Variants in FANCC observed in about 807,000 individuals in gnomAD.
FANCC encodes Fanconi anemia group C protein.
FANCC carries 55 observed loss-of-function variants against 71.3 expected under a neutral mutation model. The observed-to-expected ratio is 0.77, with a 90% confidence interval of 0.62 to 0.97. The LOEUF is 0.97. FANCC is among the 50% of genes least tolerant of loss of function. The pLI, the probability that FANCC is intolerant of heterozygous loss-of-function variation, is 0.00. For missense variants in FANCC, 678 were observed against 670.9 expected (o/e 1.01, Z -0.12); for synonymous variants, 275 against 244.9 (o/e 1.12, Z -1.15).
chr9:95,176,746 C>T (rs534944955), intron 4 of FANCC, among the ~76,000 whole-genome samples: 9 of 152,370 alleles, frequency 5.9e-5, no homozygotes, highest in Non-Finnish European at 8.8e-5. Context: ...GCGCAAGGCG[C>T]TACAAACCTG....
intron 4 of FANCC, among the ~76,000 whole-genome samples, chr9:95,180,988 T>C (rs1342664250): frequency 3.3e-5 from 5 of 152,084 alleles, no homozygotes; most frequent in African/African-American, 7.2e-5. Flanking sequence ...AATGTCTGCA[T>C]TGCACGAGCT....
At chr9:95,301,942 C>A (rs1225848963) in intron 1 of FANCC, among the ~76,000 whole-genome samples, 1 of 149,442 alleles carries the variant, frequency 6.7e-6, no homozygotes, top group East Asian at 1.9e-4. Flanking sequence ...ATTAGCCAGG[C>A]GCGGTGGCGG....
chr9:95,212,626 T>C (rs1342061817), intron 4 of FANCC, among the ~76,000 whole-genome samples: 1 of 152,088 alleles, frequency 6.6e-6, no homozygotes, highest in Non-Finnish European at 1.5e-5. Flanking sequence ...GAAAGTGACA[T>C]CACATGGAAA....
chr9:95,245,555 A>AACT (rs1830911976), intron 3 of FANCC, among the ~76,000 whole-genome samples: 2 of 151,698 alleles, frequency 1.3e-5, no homozygotes, highest in Non-Finnish European at 2.9e-5. Flanking sequence ...AATAGAAGTT[A>AACT]TGTACTACAC....
At chr9:95,112,719 G>C (rs2072048179) in intron 12 of FANCC, among the ~76,000 whole-genome samples, 1 of 152,210 alleles carries the variant, frequency 6.6e-6, no homozygotes, top group African/African-American at 2.4e-5. Context: ...ACTGGATCAG[G>C]ATCAGAGACC....
chr9:95,189,161 T>A (rs1826923368), intron 4 of FANCC, among the ~76,000 whole-genome samples: 1 of 152,190 alleles, frequency 6.6e-6, no homozygotes, highest in South Asian at 2.1e-4. Context: ...CACATTTCTG[T>A]AGCTTTTGCT....
chr9:95,268,098 C>T (rs927219998), intron 1 of FANCC, among the ~76,000 whole-genome samples: 5 of 152,222 alleles, frequency 3.3e-5, no homozygotes, highest in African/African-American at 1.2e-4. Context: ...TAGCATTTTG[C>T]CTCTCCCCTA....
intron 1 of FANCC, among the ~76,000 whole-genome samples, chr9:95,268,899 C>A (rs1200773857): frequency 2.0e-5 from 3 of 152,194 alleles, no homozygotes; most frequent in Non-Finnish European, 4.4e-5. Flanking sequence ...GAACCAGCCG[C>A]TGTGCTCTCA....
intron 4 of FANCC, among the ~76,000 whole-genome samples, chr9:95,211,316 T>C (rs1828483087): frequency 6.6e-6 from 1 of 152,146 alleles, no homozygotes; most frequent in Non-Finnish European, 1.5e-5. Context: ...AGCTACAATT[T>C]GAGAGCCAAG....
chr9:95,276,201 A>C (rs1044665179), intron 1 of FANCC, among the ~76,000 whole-genome samples: 2 of 152,184 alleles, frequency 1.3e-5, no homozygotes, highest in African/African-American at 4.8e-5. Flanking sequence ...AGGATGAATG[A>C]ATTTTCAACG....
At chr9:95,189,383 C>T (rs1251644359) in intron 4 of FANCC, among the ~76,000 whole-genome samples, 4 of 152,286 alleles carry the variant, frequency 2.6e-5, no homozygotes, top group South Asian at 2.1e-4. Flanking sequence ...ACCCTCCCAG[C>T]GCCCGTTGTT....
At chr9:95,221,443 T>A (rs1302282683) in intron 4 of FANCC, among the ~76,000 whole-genome samples, 1 of 152,108 alleles carries the variant, frequency 6.6e-6, no homozygotes, top group African/African-American at 2.4e-5. Flanking sequence ...TAGGCAAAAA[T>A]TTTTTAGGTA....
At chr9:95,239,062 A>G (rs1409607557) in intron 4 of FANCC, among the ~76,000 whole-genome samples, 1 of 152,152 alleles carries the variant, frequency 6.6e-6, no homozygotes. Flanking sequence ...TACTTTGCAT[A>G]GTCTGTTTCT....
intron 1 of FANCC, among the ~76,000 whole-genome samples, chr9:95,258,720 T>C (rs1360910841): frequency 1.3e-5 from 2 of 152,186 alleles, no homozygotes; most frequent in Admixed American, 6.5e-5. Flanking sequence ...AAATAAAGCA[T>C]ATTCAAATAG....
At chr9:95,211,022 G>C (rs1260383912) in intron 4 of FANCC, among the ~76,000 whole-genome samples, 1 of 152,142 alleles carries the variant, frequency 6.6e-6, no homozygotes, top group Non-Finnish European at 1.5e-5. Flanking sequence ...GGATTTTAAA[G>C]CACTCCAGTT....
intron 4 of FANCC, among the ~76,000 whole-genome samples, chr9:95,216,342 A>C (rs1331448011): frequency 6.6e-6 from 1 of 152,240 alleles, no homozygotes; most frequent in East Asian, 1.9e-4. Flanking sequence ...GAAATAAATG[A>C]AACAAAAAAT....
intron 14 of FANCC, 138 bp downstream of exon 14, chr9:95,106,928 A>G: frequency 1.2e-6 from 1 of 841,346 alleles, no homozygotes; most frequent in Non-Finnish European, 1.9e-6. Context: ...CCCAGCTGTC[A>G]ACCTCCTTGA....
At chr9:95,159,482 G>A (rs910054254) in intron 6 of FANCC, among the ~76,000 whole-genome samples, 14 of 152,094 alleles carry the variant, frequency 9.2e-5, no homozygotes, top group Admixed American at 5.9e-4. Flanking sequence ...GAATAGTGCC[G>A]CAATAAACAT....
chr9:95,126,602 G>A, intron 8 of FANCC, 21 bp from the exon 9 acceptor site: 2 of 1,613,366 alleles, frequency 1.2e-6, no homozygotes, highest in Non-Finnish European at 1.7e-6. Flanking sequence ...AGAAGACCAT[G>A]AGAATGTGAA....
Sources: gnomAD v4.1 joint callset for allele counts (sites outside exome capture counted in the v4.1 genomes callset) on GRCh38, gnomAD v4.1.1 for gene constraint, MANE v1.5 for transcripts, NCBI Gene and HGNC (gene_info 2026-07-23, HGNC 2026-07-21) for gene names.